Variants in GRID1 observed in about 807,000 individuals in gnomAD.
GRID1 encodes the protein glutamate ionotropic receptor delta type subunit 1.
Under a neutral mutation model 98.0 loss-of-function variants are expected in GRID1, and 28 were observed. The observed-to-expected ratio is 0.29, with a 90% CI of 0.21 to 0.39. The LOEUF is 0.39. GRID1 is among the 10% of genes least tolerant of loss of function. The pLI, the probability that GRID1 is intolerant of heterozygous loss-of-function variation, is 1.00. For synonymous variants in GRID1, 553 were observed against 538.5 expected (o/e 1.03, Z -0.37); for missense variants, 1,111 against 1,340.5 (o/e 0.83, Z 2.67).
chr10:86,154,624 T>C (rs1404013425), intron 3 of GRID1, among the ~76,000 whole-genome samples: 2 of 152,180 alleles, frequency 1.3e-5, no homozygotes, highest in Non-Finnish European at 2.9e-5. Context: ...GGTCCAAGCA[T>C]GGAGCCTGGC....
chr10:85,652,246 T>C (rs760709071), intron 12 of GRID1, among the ~76,000 whole-genome samples: 3 of 152,236 alleles, frequency 2.0e-5, no homozygotes, highest in Non-Finnish European at 4.4e-5. Context: ...TTCCTAGATA[T>C]ATGTTCATTA....
chr10:86,348,120 G>C (rs887767438), intron 2 of GRID1, among the ~76,000 whole-genome samples: 3 of 152,232 alleles, frequency 2.0e-5, no homozygotes, highest in African/African-American at 7.2e-5. Context: ...ACACAAGTGT[G>C]CATGCAGTAT....
chr10:86,121,788 T>A (rs376214000), intron 4 of GRID1, among the ~76,000 whole-genome samples: 1 of 152,222 alleles, frequency 6.6e-6, no homozygotes. Context: ...CTACTTTAGA[T>A]ATAAGAAAAC....
intron 3 of GRID1, among the ~76,000 whole-genome samples, chr10:86,143,567 T>A (rs1442718715): frequency 6.6e-6 from 1 of 152,022 alleles, no homozygotes; most frequent in Non-Finnish European, 1.5e-5. Context: ...CCCAGCAAGC[T>A]CCCTGTACAC....
chr10:86,109,375 G>A (rs771958124), intron 4 of GRID1, among the ~76,000 whole-genome samples: 4 of 152,242 alleles, frequency 2.6e-5, no homozygotes, highest in Non-Finnish European at 5.9e-5. Context: ...ACTCAGCACA[G>A]GTCTTGAGCC....
intron 4 of GRID1, among the ~76,000 whole-genome samples, chr10:85,977,405 C>A (rs565583209): frequency 6.6e-6 from 1 of 152,244 alleles, no homozygotes; most frequent in East Asian, 1.9e-4. Context: ...AGGGTGCAGA[C>A]CCCACCTAAA....
At chr10:86,084,135 G>C (rs566175273) in intron 4 of GRID1, among the ~76,000 whole-genome samples, 2 of 152,284 alleles carry the variant, frequency 1.3e-5, no homozygotes, top group South Asian at 2.1e-4. Context: ...AAGCAGTGAC[G>C]GGGTAGTAGG....
intron 3 of GRID1, among the ~76,000 whole-genome samples, chr10:86,139,885 C>T (rs971510449): frequency 5.9e-5 from 9 of 151,562 alleles, no homozygotes; most frequent in Non-Finnish European, 7.4e-5. Context: ...CCTGAGGGTG[C>T]TAAAGTTTTT....
chr10:85,953,664 G>A (rs951542678), intron 4 of GRID1, among the ~76,000 whole-genome samples: 4 of 152,230 alleles, frequency 2.6e-5, no homozygotes, highest in South Asian at 2.1e-4. Flanking sequence ...ACCCCTCTCT[G>A]CTGCTTCAGC....
chr10:85,823,525 G>C (rs1385857619), intron 8 of GRID1, among the ~76,000 whole-genome samples: 1 of 152,048 alleles, frequency 6.6e-6, no homozygotes, highest in Non-Finnish European at 1.5e-5. Context: ...GCTCCAATGT[G>C]TATAATTAGC....
chr10:86,324,783 A>C (rs897226991), intron 2 of GRID1, among the ~76,000 whole-genome samples: 36 of 152,238 alleles, frequency 2.4e-4, no homozygotes, highest in Non-Finnish European at 4.4e-4. Context: ...TCTTCAAAAA[A>C]AAATGAGATT....
chr10:85,785,131 C>G (rs978707396), intron 8 of GRID1, among the ~76,000 whole-genome samples: 1 of 152,136 alleles, frequency 6.6e-6, no homozygotes, highest in African/African-American at 2.4e-5. Context: ...CACTTGTGCA[C>G]CCTAGCAATC....
At chr10:85,979,827 G>A (rs532570006) in intron 4 of GRID1, among the ~76,000 whole-genome samples, 1 of 152,188 alleles carries the variant, frequency 6.6e-6, no homozygotes, top group Non-Finnish European at 1.5e-5. Flanking sequence ...CAGGAGGACA[G>A]GCAAAGAATG....
intron 5 of GRID1, 87 bp from the exon 6 acceptor site, chr10:85,869,267 C>T: frequency 8.5e-7 from 1 of 1,177,186 alleles, no homozygotes. Context: ...GGCCAGCAGC[C>T]TGAAAAGCTG....
intron 14 of GRID1, 66 bp from the exon 15 acceptor site, chr10:85,613,713 C>T: frequency 6.4e-7 from 1 of 1,560,166 alleles, no homozygotes; most frequent in Non-Finnish European, 8.7e-7. Flanking sequence ...GGGGCCCTGG[C>T]CCCTGCCCCA....
At chr10:86,333,773 A>T (rs75768051) in intron 2 of GRID1, among the ~76,000 whole-genome samples, 4,417 of 152,262 alleles carry the variant, frequency 0.029, 133 homozygotes, top group African/African-American at 0.075. Flanking sequence ...TTCCACTATT[A>T]AGTGGAAGTG....
intron 4 of GRID1, among the ~76,000 whole-genome samples, chr10:86,003,555 A>T (rs1188599428): frequency 2.0e-5 from 3 of 152,236 alleles, no homozygotes; most frequent in African/African-American, 7.2e-5. Flanking sequence ...CCAGCAGGAC[A>T]TGTGGCAGCC....
At chr10:85,694,570 A>G (rs1197791551) in intron 12 of GRID1, among the ~76,000 whole-genome samples, 4,728 of 54,834 alleles carry the variant, frequency 0.086, 224 homozygotes, top group African/African-American at 0.11. Flanking sequence ...ATATATATAT[A>G]TATATATATA....
chr10:86,168,633 T>C (rs1174832402), intron 3 of GRID1, among the ~76,000 whole-genome samples: 1 of 152,194 alleles, frequency 6.6e-6, no homozygotes, highest in East Asian at 1.9e-4. Context: ...ACCCCAGCCC[T>C]GAGGGAGCCT....
Sources: gnomAD v4.1 joint callset for allele counts (sites outside exome capture counted in the v4.1 genomes callset) on GRCh38, gnomAD v4.1.1 for gene constraint, MANE v1.5 for transcripts, NCBI Gene and HGNC (gene_info 2026-07-23, HGNC 2026-07-21) for gene names.